Variants in MYO1E observed in about 807,000 individuals in gnomAD.
MYO1E encodes the protein myosin IE.
A neutral mutation model predicts 151.1 loss-of-function variants in MYO1E; 68 were observed. The observed-to-expected ratio is 0.45, with a 90% CI of 0.37 to 0.55. MYO1E has a LOEUF of 0.55. MYO1E is among the 20% of genes least tolerant of loss of function. MYO1E has a pLI of 0.00. For missense variants in MYO1E, 1,363 were observed against 1,389.3 expected (o/e 0.98, Z 0.30); for synonymous variants, 601 against 501.7 (o/e 1.20, Z -2.64).
At chr15:59,141,797 CAAAA>C (rs753344067) in intron 26 of MYO1E, among the ~76,000 whole-genome samples, 1 of 44,920 alleles carries the variant, frequency 2.2e-5, no homozygotes, top group Non-Finnish European at 4.4e-5. Flanking sequence ...GACTTTGTCT[CAAAA>C]AAAAAAAAAA....
chr15:59,205,851 A>T (rs1228105298), intron 14 of MYO1E, among the ~76,000 whole-genome samples: 1 of 152,110 alleles, frequency 6.6e-6, no homozygotes, highest in Non-Finnish European at 1.5e-5. Flanking sequence ...ACTTTTCCTA[A>T]ATTTTAGCTA....
chr15:59,270,690 G>A lies in MYO1E; in HGVS notation c.147+1616C>T, dbSNP rs1198630292. On this transcript the variant is annotated intron_variant, in intron 2 of 27. Coordinates refer to ENST00000288235, the MANE Select transcript of MYO1E (RefSeq NM_004998.4). Reference sequence around the variant, plus strand: ...GTCTTGCTCTGTCACCCAGGCTGAAGTGCAGTGGTGCGATTTTGGCTTGCT... The same window carrying A: ...GTCTTGCTCTGTCACCCAGGCTGAAATGCAGTGGTGCGATTTTGGCTTGCT... Among the ~76,000 whole-genome samples the A allele has an allele frequency of 4.6e-5, 7 of 150,630 alleles. No homozygotes were observed. In the East Asian group the frequency reaches 1.4e-3, roughly 29 times the overall value.
intron 5 of MYO1E, among the ~76,000 whole-genome samples, chr15:59,233,624 A>G (rs3794488): frequency 0.26 from 36,226 of 140,500 alleles, 4,740 homozygotes; most frequent in African/African-American, 0.34. Context: ...AGATCGCACC[A>G]CTGCACTCCA....
intron 17 of MYO1E, among the ~76,000 whole-genome samples, chr15:59,194,369 T>C (rs535780136): frequency 2.6e-5 from 4 of 152,246 alleles, no homozygotes; most frequent in African/African-American, 9.6e-5. Flanking sequence ...GACCTACGTG[T>C]TTTTCTTACT....
At chr15:59,329,429 T>C (rs769885508) in intron 1 of MYO1E, among the ~76,000 whole-genome samples, 4 of 152,202 alleles carry the variant, frequency 2.6e-5, no homozygotes, top group Non-Finnish European at 4.4e-5. Flanking sequence ...AGGTACCCAA[T>C]AGCAATCCTA....
chr15:59,144,240 C>T (rs1401694066), intron 26 of MYO1E, among the ~76,000 whole-genome samples: 4 of 152,176 alleles, frequency 2.6e-5, no homozygotes, highest in Admixed American at 2.6e-4. Flanking sequence ...GATCTCGGCT[C>T]ACTGCAACCT....
intron 1 of MYO1E, among the ~76,000 whole-genome samples, chr15:59,281,416 C>T (rs1447225536): frequency 2.0e-5 from 3 of 152,038 alleles, no homozygotes; most frequent in Non-Finnish European, 4.4e-5. Flanking sequence ...GCTGGGACTA[C>T]AGGCGTGCAC....
chr15:59,215,192 T>A (rs11638935), intron 10 of MYO1E, among the ~76,000 whole-genome samples: 49,232 of 151,964 alleles, frequency 0.32, 8,469 homozygotes, highest in East Asian at 0.56. Flanking sequence ...TAGGCGCTTA[T>A]AGAGAGGGTG....
intron 1 of MYO1E, among the ~76,000 whole-genome samples, chr15:59,274,875 C>T (rs576546117): frequency 1.6e-3 from 251 of 152,236 alleles, no homozygotes; most frequent in Non-Finnish European, 3.0e-3. Flanking sequence ...AAGTATCACT[C>T]GATACTGAAG....
At chr15:59,161,331 TG>T (rs1481351787) in intron 23 of MYO1E, 101 bp from the exon 24 acceptor site, 4 of 1,331,144 alleles carry the variant, frequency 3.0e-6, no homozygotes, top group Non-Finnish European at 4.1e-6. Context: ...AGCATAAACA[TG>T]AGGCGAGAAC....
At chr15:59,314,710 C>G (rs1447221902) in intron 1 of MYO1E, among the ~76,000 whole-genome samples, 2 of 152,130 alleles carry the variant, frequency 1.3e-5, no homozygotes, top group Admixed American at 6.5e-5. Flanking sequence ...GGGGGTACTA[C>G]TGGTATCTAG....
chr15:59,267,223 C>G (rs1226218325), intron 2 of MYO1E, among the ~76,000 whole-genome samples: 8 of 148,470 alleles, frequency 5.4e-5, no homozygotes, highest in South Asian at 4.3e-4. Flanking sequence ...ACGGGGTTTT[C>G]ACCATGTTGG....
chr15:59,372,536 C>G lies in MYO1E; in HGVS notation c.-36G>C. On this transcript the variant is annotated 5_prime_UTR_variant, in exon 1 of 28. Coordinates refer to ENST00000288235, the MANE Select transcript of MYO1E (RefSeq NM_004998.4). ...GCCGCGGTCGCGTCTTCGCCGGGTCCCGCTGCCGGGGAACTGGGGCTGGAA... is the reference window on the plus strand; with the variant it reads ...GCCGCGGTCGCGTCTTCGCCGGGTCGCGCTGCCGGGGAACTGGGGCTGGAA... 2 of 1,535,110 alleles carry G rather than the reference C, an allele frequency of 1.3e-6. No individual in the cohort carries two copies. The highest frequency in any genetic ancestry group is 2.5e-5 in the East Asian group (1 of 40,554).
chr15:59,161,482 T>C lies in MYO1E; in HGVS notation c.2628-252A>G, dbSNP rs7166690. ...GACACCAGGTGGTGAGGGAGGTACA[T>C]CTGGCTAATGTGCCAGTGCCACTCT... is the stretch of plus-strand genomic sequence containing the variant. On this transcript the variant is annotated intron_variant, in intron 23 of 27. Coordinates refer to ENST00000288235, the MANE Select transcript of MYO1E (RefSeq NM_004998.4). Among the ~76,000 whole-genome samples, 144,697 of 152,216 alleles carry C rather than the reference T, an allele frequency of 0.95. 69,239 individuals are homozygous for C. The highest frequency in any genetic ancestry group is 1 in the East Asian group (5,168 of 5,168).
intron 6 of MYO1E, among the ~76,000 whole-genome samples, chr15:59,230,881 G>C (rs982720963): frequency 1.3e-4 from 20 of 152,222 alleles, no homozygotes; most frequent in African/African-American, 4.8e-4. Context: ...TTTAGTGCCA[G>C]ACATGATCTA....
chr15:59,231,606 T>C, intron 6 of MYO1E, 96 bp downstream of exon 6: 1 of 1,303,062 alleles, frequency 7.7e-7, no homozygotes, highest in South Asian at 1.2e-5. Flanking sequence ...TGATGATATG[T>C]GAAAGGCTCC....
intron 14 of MYO1E, chr15:59,207,273 G>A (rs61741295): frequency 0.064 from 103,863 of 1,614,062 alleles, 4,071 homozygotes; most frequent in African/African-American, 0.18. Context: ...AGGGTGAGAC[G>A]ATGGATCTTC....
intron 18 of MYO1E, among the ~76,000 whole-genome samples, chr15:59,179,853 T>C (rs914521883): frequency 1.3e-5 from 2 of 152,054 alleles, no homozygotes; most frequent in Non-Finnish European, 1.5e-5. Context: ...CAAATATGGA[T>C]AGAATCATCA....
chr15:59,215,172 C>T (rs1160418117), intron 10 of MYO1E, among the ~76,000 whole-genome samples: 1 of 152,124 alleles, frequency 6.6e-6, no homozygotes, highest in African/African-American at 2.4e-5. Flanking sequence ...GACAAGACAA[C>T]CCTTGTTCCT....
Sources: allele counts gnomAD v4.1 joint callset (sites outside exome capture counted in the v4.1 genomes callset), GRCh38; gene constraint gnomAD v4.1.1; transcripts MANE v1.5; gene names NCBI Gene and HGNC (gene_info 2026-07-23, HGNC 2026-07-21).